TIAL1: variants seen among roughly 807,000 people sequenced by gnomAD.
The protein encoded by TIAL1 is nucleolysin TIAR.
Under a neutral mutation model 59.7 loss-of-function variants are expected in TIAL1, and 7 were observed. The ratio of observed to expected loss-of-function variants is 0.12; its 90% CI spans 0.07 to 0.22. TIAL1 has a LOEUF of 0.22. TIAL1 is among the 10% of genes least tolerant of loss of function. TIAL1 has a pLI of 1.00. For synonymous variants in TIAL1, 149 were observed against 146.3 expected (o/e 1.02, Z -0.13); for missense variants, 225 against 462.5 (o/e 0.49, Z 4.71).
At chr10:119,592,713 T>C (rs1486133517) in intron 1 of TIAL1, among the ~76,000 whole-genome samples, 3 of 152,098 alleles carry the variant, frequency 2.0e-5, no homozygotes, top group Admixed American at 6.6e-5. Context: ...TGATGGAAGA[T>C]AGCTGCAGGA....
At chr10:119,596,067 C>G (rs1197755247) in intron 1 of TIAL1, among the ~76,000 whole-genome samples, 1 of 149,398 alleles carries the variant, frequency 6.7e-6, no homozygotes, top group South Asian at 2.2e-4. Context: ...CCAGGCCCTT[C>G]CCCCGTGGGC....
rs962745847 is a variant in TIAL1, at chr10:119,596,777, G to A, written c.-312C>T. ...GACAGCCTGCAAGGGGGACGACCGA[G>A]GGGAGAGAAAAAAGGGCCGCCGAGG... On this transcript the variant is annotated 5_prime_UTR_variant, in exon 1 of 12. Coordinates refer to ENST00000436547, the MANE Select transcript of TIAL1 (RefSeq NM_003252.4). 4.6e-6 allele frequency: 2 copies of A among 437,068 alleles called. No homozygotes were observed. Among genetic ancestry groups the A allele is most frequent in the Non-Finnish European group, 8.3e-6 (2 of 241,596 alleles). 27.1% of individuals were successfully genotyped at this position (437,068 alleles called of 1,614,324 possible). A position where few individuals can be genotyped will look rare whatever the true frequency, so the allele number is the denominator to read the frequency against.
At chr10:119,576,015 T>G (rs952312357) in intron 11 of TIAL1, among the ~76,000 whole-genome samples, 4 of 152,156 alleles carry the variant, frequency 2.6e-5, no homozygotes, top group African/African-American at 9.7e-5. Context: ...CACACTGATG[T>G]CTGAGGAGTA....
At chr10:119,590,672 T>C (rs1845804688) in intron 1 of TIAL1, among the ~76,000 whole-genome samples, 1 of 150,936 alleles carries the variant, frequency 6.6e-6, no homozygotes. Flanking sequence ...ATTGCACCAT[T>C]GCACTCCAAC....
At chr10:119,578,605 TG>T in intron 7 of TIAL1, 120 bp downstream of exon 7, 1 of 867,800 alleles carries the variant, frequency 1.2e-6, no homozygotes, top group South Asian at 1.6e-5. Flanking sequence ...CACTCCAGCC[TG>T]GGCAACAGAG....
chr10:119,578,669 A>G, intron 7 of TIAL1, 57 bp downstream of exon 7: 2 of 1,387,256 alleles, frequency 1.4e-6, no homozygotes, highest in Admixed American at 1.7e-5. Context: ...AGATGAATAC[A>G]TGATACATGA....
intron 10 of TIAL1, 104 bp downstream of exon 10, chr10:119,576,976 G>GT: frequency 7.0e-7 from 1 of 1,438,628 alleles, no homozygotes; most frequent in Non-Finnish European, 9.4e-7. Context: ...TCAACTGAAA[G>GT]TAGCTATATG....
At chr10:119,589,245 A>T (rs1169054809) in intron 1 of TIAL1, among the ~76,000 whole-genome samples, 1 of 152,098 alleles carries the variant, frequency 6.6e-6, no homozygotes, top group Non-Finnish European at 1.5e-5. Flanking sequence ...TCACTCTGTC[A>T]CCCAGGCTGG....
rs1844875832 is a variant in TIAL1 at position 119,574,595 on chromosome 10, A to AAC, written c.*1069_*1070insGT. 1 of 150,418 alleles carries AAC rather than the reference A, an allele frequency of 6.6e-6. No individual in the cohort carries two copies. Among genetic ancestry groups the AAC allele is most frequent in the East Asian group, 1.9e-4 (1 of 5,178 alleles). The allele number at this position is 150,418 out of a possible 1,614,324, so 9.3% of individuals were successfully genotyped here. On this transcript the variant is annotated 3_prime_UTR_variant, in exon 12 of 12. Transcript: ENST00000436547. ...ACCAAGTAATGTAAAGCAAAAAAAA[A>AAC]AAAAAAAAAAAACAAAAACAAAAAA...
At chr10:119,578,675 C>T (rs1252748809) in intron 7 of TIAL1, 51 bp downstream of exon 7, 5 of 1,422,486 alleles carry the variant, frequency 3.5e-6, no homozygotes, top group Non-Finnish European at 5.0e-6. Flanking sequence ...ATACATGATA[C>T]ATGATTTTGT....
chr10:119,589,745 T>C (rs905892649), intron 1 of TIAL1, among the ~76,000 whole-genome samples: 18 of 152,232 alleles, frequency 1.2e-4, no homozygotes, highest in Non-Finnish European at 1.3e-4. Context: ...GGTTTATGTC[T>C]TGTACTATGG....
chr10:119,577,763 T>C (rs1267542379), intron 7 of TIAL1, 27 bp from the exon 8 acceptor site: 5 of 1,545,012 alleles, frequency 3.2e-6, no homozygotes, highest in South Asian at 1.1e-5. Context: ...AACAAAAACG[T>C]TGACTGTTAT....
Position 119,573,854 on chromosome 10 carries a change from T to C in TIAL1, c.*1811A>G, listed in dbSNP as rs1162577099. 2.6e-5 allele frequency: 4 copies of C among 152,256 alleles called. No homozygotes were observed. The highest frequency in any genetic ancestry group is 7.2e-5 in the African/African-American group (3 of 41,468). The allele number at this position is 152,256 out of a possible 1,614,324, so 9.4% of individuals were successfully genotyped here. A position where few individuals can be genotyped will look rare whatever the true frequency, so the allele number is the denominator to read the frequency against. On this transcript the variant is annotated 3_prime_UTR_variant, in exon 12 of 12. Coordinates refer to ENST00000436547, the MANE Select transcript of TIAL1 (RefSeq NM_003252.4). The stretch of plus-strand genomic sequence containing the variant: ...TGCCATAAAAAATTTGGCCCAGCTA[T>C]GAATTTCAGACCCTATGAATTTTTA...
rs939050579 is a variant in TIAL1 at position 119,578,676 on chromosome 10, A to C, written c.556+50T>G. The C allele has an allele frequency of 2.8e-6, 4 of 1,433,898 alleles. No homozygotes were observed. In the South Asian group the frequency reaches 4.6e-5, roughly 16 times the overall value. The allele number at this position is 1,433,898 out of a possible 1,614,324, so 88.8% of individuals were successfully genotyped here. A position where few individuals can be genotyped will look rare whatever the true frequency, so the allele number is the denominator to read the frequency against. On this transcript the variant is annotated intron_variant, in intron 7 of 11. Coordinates refer to ENST00000436547, the MANE Select transcript of TIAL1 (RefSeq NM_003252.4). ...TTGAGACTAGATGAATACATGATACATGATTTTGTGAAGAATATAATTTTA... is the reference window on the plus strand; with the variant it reads ...TTGAGACTAGATGAATACATGATACCTGATTTTGTGAAGAATATAATTTTA...
intron 1 of TIAL1, among the ~76,000 whole-genome samples, chr10:119,590,958 G>A (rs1489468137): frequency 6.6e-6 from 1 of 151,974 alleles, no homozygotes; most frequent in African/African-American, 2.4e-5. Context: ...AATTAAAATA[G>A]AATTATCATT....
In TIAL1 at chr10:119,588,199, A is replaced by G; in HGVS notation, c.82T>C (p.Leu28=). The G allele has an allele frequency of 6.3e-7, 1 of 1,599,632 alleles. No homozygotes were observed. Among genetic ancestry groups the G allele is most frequent in the Non-Finnish European group, 8.5e-7 (1 of 1,171,638 alleles). ...RDVTEVLILQ[L]FSQIGPCKSC... ...TTACAGGGTCCAATCTGACTGAACA[A>G]CTGAAGTATAAGGACTTCTGTCACA... is the stretch of plus-strand genomic sequence containing the variant. Residue 28 remains leucine, a synonymous_variant, in exon 2 of 12, where the codon TTG becomes CTG. Coordinates refer to ENST00000436547, the MANE Select transcript of TIAL1 (RefSeq NM_003252.4).
At chr10:119,580,998 A>G (rs1338348053) in intron 5 of TIAL1, among the ~76,000 whole-genome samples, 1 of 152,068 alleles carries the variant, frequency 6.6e-6, no homozygotes, top group African/African-American at 2.4e-5. Flanking sequence ...ATTTAGATTA[A>G]AAAGCAAAGC....
At chr10:119,585,150 A>G (rs1032471026) in intron 2 of TIAL1, among the ~76,000 whole-genome samples, 2 of 139,672 alleles carry the variant, frequency 1.4e-5, no homozygotes, top group African/African-American at 5.3e-5. Flanking sequence ...AAAAAAATCA[A>G]TTATGGCTGG....
chr10:119,588,572 G>A (rs977362279), intron 1 of TIAL1, among the ~76,000 whole-genome samples: 3 of 152,190 alleles, frequency 2.0e-5, no homozygotes, highest in African/African-American at 7.2e-5. Context: ...TTGAACTCCT[G>A]ACCTCAGGTG....
Sources: gnomAD v4.1 joint callset for allele counts (sites outside exome capture counted in the v4.1 genomes callset) on GRCh38, gnomAD v4.1.1 for gene constraint, MANE v1.5 for transcripts, NCBI Gene and HGNC (gene_info 2026-07-23, HGNC 2026-07-21) for gene names.